The following NRXN1 variants were observed in gnomAD, a reference collection of about 807,000 sequenced individuals.
NRXN1 encodes neurexin-1.
NRXN1 carries 39 observed loss-of-function variants against 150.9 expected under a neutral mutation model. The observed-to-expected ratio is 0.26, with a 90% confidence interval of 0.20 to 0.34. The LOEUF is 0.34. NRXN1 is among the 10% of genes least tolerant of loss of function. NRXN1 has a pLI of 1.00. For missense variants in NRXN1, 1,815 were observed against 1,949.9 expected, an observed-to-expected ratio of 0.93 and a Z score of 1.30; for synonymous variants, 924 against 757.0, an observed-to-expected ratio of 1.22 and a Z score of -3.62.
At chr2:50,078,730 G>A (rs576224850) in intron 19 of NRXN1, among the ~76,000 whole-genome samples, 1 of 152,112 alleles carries the variant, frequency 6.6e-6, no homozygotes, top group African/African-American at 2.4e-5. Flanking sequence ...ATGGATTTTT[G>A]TTGAGAATAT....
At chr2:50,896,707 G>A (rs1682014213) in intron 5 of NRXN1, among the ~76,000 whole-genome samples, 1 of 152,092 alleles carries the variant, frequency 6.6e-6, no homozygotes, top group East Asian at 1.9e-4. Flanking sequence ...TTAGCTGGGT[G>A]TGGTGGGGCA....
At chr2:50,728,211 T>C (rs1383307085) in intron 5 of NRXN1, among the ~76,000 whole-genome samples, 1 of 152,132 alleles carries the variant, frequency 6.6e-6, no homozygotes, top group Non-Finnish European at 1.5e-5. Flanking sequence ...CATAATGTCC[T>C]TCTGCTACTA....
rs1378101984 is a variant in NRXN1, at chr2:50,453,494, TTGTTC to T, written c.3364+11943_3364+11947del. On this transcript the variant is annotated intron_variant, in intron 17 of 22. Coordinates refer to ENST00000401669, the MANE Select transcript of NRXN1 (RefSeq NM_001330078.2). ...TTTCTCAACTCCTCCAACAACCAAT[TTGTTC>T]TGTTTCTGATGTTGTCACTATACTC... Among the ~76,000 whole-genome samples the T allele has an allele frequency of 7.9e-5, 12 of 152,314 alleles. No homozygotes were observed. In the East Asian group the frequency reaches 2.3e-3, roughly 29 times the overall value.
At position 50,608,260 on chromosome 2, in the gene NRXN1, G is replaced by A. The variant is rs553898017; in HGVS notation, c.1320+11762C>T. 3.3e-5 allele frequency among the ~76,000 whole-genome samples: 5 copies of A among 152,308 alleles called. No individual in the cohort carries two copies. In the East Asian group the frequency reaches 9.6e-4, roughly 29 times the overall value. ...ATTGTGCACCAATACTGCCAATGATGACAATATAATATGGTGGTTGACGTA... is the reference window on the plus strand; with the variant it reads ...ATTGTGCACCAATACTGCCAATGATAACAATATAATATGGTGGTTGACGTA... On this transcript the variant is annotated intron_variant, in intron 8 of 22. Transcript: ENST00000401669.
intron 2 of NRXN1, among the ~76,000 whole-genome samples, chr2:50,975,856 G>C (rs552347428): frequency 1.3e-5 from 2 of 152,050 alleles, no homozygotes; most frequent in Non-Finnish European, 2.9e-5. Flanking sequence ...AAGAGCAGTC[G>C]AGGGAGATAT....
intron 17 of NRXN1, among the ~76,000 whole-genome samples, chr2:50,379,957 A>C (rs1406394110): frequency 6.6e-6 from 1 of 152,188 alleles, no homozygotes; most frequent in Non-Finnish European, 1.5e-5. Context: ...TTATTATAAC[A>C]ATCCTGATCA....
At chr2:50,568,392 C>G (rs989923615) in intron 8 of NRXN1, among the ~76,000 whole-genome samples, 1 of 152,028 alleles carries the variant, frequency 6.6e-6, no homozygotes, top group East Asian at 1.9e-4. Context: ...GCAAACTATC[C>G]ATCTGACAAG....
chr2:50,697,184 A>G (rs1226429659), intron 5 of NRXN1, among the ~76,000 whole-genome samples: 1 of 152,226 alleles, frequency 6.6e-6, no homozygotes, highest in Non-Finnish European at 1.5e-5. Flanking sequence ...TATTTTGCAC[A>G]CGTAATTCTG....
At chr2:50,515,321 A>G (rs1436951585) in intron 12 of NRXN1, among the ~76,000 whole-genome samples, 1 of 152,192 alleles carries the variant, frequency 6.6e-6, no homozygotes. Context: ...ATTCTACCTT[A>G]TGGTGAGATG....
intron 17 of NRXN1, among the ~76,000 whole-genome samples, chr2:50,344,791 A>G (rs998452524): frequency 2.6e-5 from 4 of 152,096 alleles, no homozygotes. Context: ...ATCCCTCTGG[A>G]GAGAGGCCGA....
At chr2:50,649,949 A>G (rs533028133) in intron 5 of NRXN1, among the ~76,000 whole-genome samples, 2 of 152,044 alleles carry the variant, frequency 1.3e-5, no homozygotes, top group Non-Finnish European at 2.9e-5. Flanking sequence ...AATAGCCACA[A>G]GTGGTCTAAA....
chr2:50,494,932 G>T (rs1558827873), intron 15 of NRXN1, among the ~76,000 whole-genome samples: 1 of 151,724 alleles, frequency 6.6e-6, no homozygotes, highest in South Asian at 2.1e-4. Flanking sequence ...TTGGGAGGCT[G>T]AGGCAGGAGA....
chr2:50,897,979 G>A (rs1367647626), intron 5 of NRXN1, among the ~76,000 whole-genome samples: 1 of 152,158 alleles, frequency 6.6e-6, no homozygotes, highest in Non-Finnish European at 1.5e-5. Flanking sequence ...AATCACTACA[G>A]TATATCTTCC....
intron 18 of NRXN1, among the ~76,000 whole-genome samples, chr2:50,140,336 T>C (rs1707085821): frequency 6.6e-6 from 1 of 152,170 alleles, no homozygotes; most frequent in South Asian, 2.1e-4. Context: ...AATTTTCATT[T>C]TTCAGAACCT....
chr2:50,112,530 T>A (rs1161227435), intron 18 of NRXN1, among the ~76,000 whole-genome samples: 2 of 152,234 alleles, frequency 1.3e-5, no homozygotes, highest in African/African-American at 4.8e-5. Flanking sequence ...TCTCTCTCAC[T>A]CAAATTATTT....
Position 50,346,544 on chromosome 2 carries a change from A to G in NRXN1, c.3365-109574T>C. On this transcript the variant is annotated intron_variant, in intron 17 of 22. Coordinates refer to ENST00000401669, the MANE Select transcript of NRXN1 (RefSeq NM_001330078.2). This position sits in a 1 kb window ranked among gnomAD's most constrained non-coding sequence, Gnocchi z 5.0. ...TCCCCTTTCTATTGTCTTCAAAGAGATAAGTGGCTCGCACCAAGCACACCC... is the reference window on the plus strand; with the variant it reads ...TCCCCTTTCTATTGTCTTCAAAGAGGTAAGTGGCTCGCACCAAGCACACCC... 2.4e-6 allele frequency: 2 copies of G among 818,258 alleles called. No homozygotes were observed. Among genetic ancestry groups the G allele is most frequent in the Non-Finnish European group, 4.0e-6 (2 of 498,816 alleles). 50.7% of individuals were successfully genotyped at this position (818,258 alleles called of 1,614,324 possible). A position where few individuals can be genotyped will look rare whatever the true frequency, so the allele number is the denominator to read the frequency against.
intron 22 of NRXN1, among the ~76,000 whole-genome samples, chr2:49,942,316 C>T (rs550407145): frequency 3.3e-5 from 5 of 152,178 alleles, no homozygotes; most frequent in Non-Finnish European, 7.3e-5. Flanking sequence ...TTCCCCCTCC[C>T]TGGCACTCAG....
chr2:49,951,284 T>A (rs1269321518), intron 21 of NRXN1, among the ~76,000 whole-genome samples: 1 of 151,958 alleles, frequency 6.6e-6, no homozygotes, highest in African/African-American at 2.4e-5. Flanking sequence ...ATAGAAAACC[T>A]ACAAATAAGG....
chr2:50,267,921 G>A (rs972125218), intron 17 of NRXN1, among the ~76,000 whole-genome samples: 3 of 152,084 alleles, frequency 2.0e-5, no homozygotes, highest in Admixed American at 1.3e-4. Context: ...CAGGCACAGC[G>A]GCTCACACCT....
Sources: gnomAD v4.1 joint callset for allele counts (sites outside exome capture counted in the v4.1 genomes callset) on GRCh38, gnomAD v4.1.1 for gene constraint, Gnocchi (gnomAD v3.1) non-coding constraint, MANE v1.5 for transcripts, NCBI Gene and HGNC (gene_info 2026-07-23, HGNC 2026-07-21) for gene names.